Variants in ACACA observed in about 807,000 individuals in gnomAD.
ACACA encodes acetyl-CoA carboxylase 1.
A neutral mutation model predicts 296.1 loss-of-function variants in ACACA; 103 were observed. The observed-to-expected ratio is 0.35, with a 90% CI of 0.30 to 0.41. The LOEUF (loss-of-function observed/expected upper bound fraction) is 0.41, where lower values mean the gene tolerates loss of function less well. Ranked by LOEUF, ACACA falls within the 10% of genes least tolerant of loss-of-function variation. The pLI is 1.00. For missense variants in ACACA, 1,554 were observed against 2,989.7 expected, an observed-to-expected ratio of 0.52 and a Z score of 11.20; for synonymous variants, 953 against 1,038.6, an observed-to-expected ratio of 0.92 and a Z score of 1.58.
chr17:37,390,204 T>A (rs2050750931), intron 1 of ACACA, among the ~76,000 whole-genome samples: 1 of 82,528 alleles, frequency 1.2e-5, no homozygotes, highest in Non-Finnish European at 2.1e-5. Flanking sequence ...TAAATATATA[T>A]AATTATATAT....
chr17:37,399,153 A>G (rs552518125), intron 1 of ACACA, among the ~76,000 whole-genome samples: 1 of 148,250 alleles, frequency 6.7e-6, no homozygotes, highest in African/African-American at 2.5e-5. Context: ...CTAATTTTTT[A>G]TATTTTTAGT....
At chr17:37,092,858 A>T (rs1321326515) in intron 54 of ACACA, among the ~76,000 whole-genome samples, 1 of 152,246 alleles carries the variant, frequency 6.6e-6, no homozygotes, top group Non-Finnish European at 1.5e-5. Context: ...TTTTGGAAAG[A>T]CATTTTCAAT....
intron 45 of ACACA, among the ~76,000 whole-genome samples, chr17:37,138,798 T>C (rs1342553254): frequency 2.0e-5 from 3 of 152,226 alleles, no homozygotes; most frequent in Non-Finnish European, 2.9e-5. Context: ...AAATTCATGA[T>C]ACACTATTGC....
chr17:37,285,388 A>G (rs920144888), intron 3 of ACACA, among the ~76,000 whole-genome samples: 1 of 152,192 alleles, frequency 6.6e-6, no homozygotes, highest in Non-Finnish European at 1.5e-5. Flanking sequence ...AAAACTGCCT[A>G]CTAAATGTTT....
intron 35 of ACACA, among the ~76,000 whole-genome samples, chr17:37,193,847 A>T (rs2077870339): frequency 6.6e-6 from 1 of 152,220 alleles, no homozygotes; most frequent in Admixed American, 6.5e-5. Context: ...CTCAGACAGT[A>T]TAGAGTGCTC....
chr17:37,272,724 CA>C (rs1025183680), intron 9 of ACACA, among the ~76,000 whole-genome samples: 1 of 151,200 alleles, frequency 6.6e-6, no homozygotes, highest in Non-Finnish European at 1.5e-5. Context: ...GGTAGAAGGA[CA>C]AAAAAATATT....
chr17:37,220,086 A>G (rs2079214056), intron 29 of ACACA, among the ~76,000 whole-genome samples: 1 of 152,212 alleles, frequency 6.6e-6, no homozygotes, highest in Non-Finnish European at 1.5e-5. Flanking sequence ...CTTTATCTAC[A>G]GGCATGTCCA....
At chr17:37,200,714 T>C (rs2078209203) in intron 33 of ACACA, among the ~76,000 whole-genome samples, 1 of 152,202 alleles carries the variant, frequency 6.6e-6, no homozygotes, top group East Asian at 1.9e-4. Flanking sequence ...AAGAGAACTT[T>C]GTGGAGGAGA....
intron 1 of ACACA, chr17:37,388,904 A>G (rs930063563): frequency 7.2e-7 from 1 of 1,385,598 alleles, no homozygotes; most frequent in Non-Finnish European, 9.9e-7. Flanking sequence ...ATTTGAGGAG[A>G]TGTGCCACTC....
intron 1 of ACACA, among the ~76,000 whole-genome samples, chr17:37,381,982 A>G (rs1202293117): frequency 6.6e-6 from 1 of 152,120 alleles, no homozygotes; most frequent in Non-Finnish European, 1.5e-5. Context: ...GTCGTTTCCA[A>G]TCTTTTGCAA....
At chr17:37,397,710 C>T (rs1038516186) in intron 1 of ACACA, among the ~76,000 whole-genome samples, 1 of 151,986 alleles carries the variant, frequency 6.6e-6, no homozygotes, top group Non-Finnish European at 1.5e-5. Flanking sequence ...TAAAAATTTC[C>T]CTCAATCTGA....
In ACACA at chr17:37,151,377, G is replaced by A. The variant is rs1468501311; in HGVS notation, c.5492C>T (p.Pro1831Leu). 2.5e-6 allele frequency: 4 copies of A among 1,613,682 alleles called. No homozygotes were observed. Among genetic ancestry groups the A allele is most frequent in the South Asian group, 1.1e-5 (1 of 91,070 alleles). Residue 1831 changes from proline to leucine, a missense_variant, in exon 44 of 56, where the codon CCC becomes CTC. Pro to Leu is a moderately conservative substitution (Grantham distance 98). Around this residue, in one of 16 missense-constraint regions of ACACA, gnomAD observed 553 missense variants for 1,043.6 expected, o/e 0.53. Coordinates refer to ENST00000616317, the MANE Select transcript of ACACA (RefSeq NM_198834.3). ...CATTCCAGAACCTCGAAGGTTCTCG[G>A]GTCCAATTCCCTCTTCTTTCCCAAT... Reference protein sequence around the residue: ...DIIGKEEGIGPENLRGSGMIA... With the variant: ...DIIGKEEGIGLENLRGSGMIA...
chr17:37,277,838 T>G (rs2082344365), intron 6 of ACACA, 58 bp downstream of exon 6: 3 of 1,325,610 alleles, frequency 2.3e-6, no homozygotes, highest in Non-Finnish European at 3.3e-6. Context: ...GATATCCCCT[T>G]GTGCCTAACT....
At chr17:37,254,094 C>G (rs543083600) in intron 14 of ACACA, among the ~76,000 whole-genome samples, 1 of 151,278 alleles carries the variant, frequency 6.6e-6, no homozygotes, top group South Asian at 2.1e-4. Context: ...AATTATGTAC[C>G]TCATACTAAT....
chr17:37,146,728 G>GGA (rs144003287), intron 45 of ACACA, among the ~76,000 whole-genome samples: 4 of 146,832 alleles, frequency 2.7e-5, no homozygotes, highest in East Asian at 2.0e-4. Flanking sequence ...GAAGGAGGGG[G>GGA]GAGAGAGAGA....
intron 35 of ACACA, 128 bp downstream of exon 35, chr17:37,200,011 T>C: frequency 1.3e-6 from 1 of 742,906 alleles, no homozygotes; most frequent in Non-Finnish European, 2.2e-6. Flanking sequence ...GAATATTTAT[T>C]ATAATAATTT....
At chr17:37,142,020 T>G (rs1365561247) in intron 45 of ACACA, among the ~76,000 whole-genome samples, 2 of 151,830 alleles carry the variant, frequency 1.3e-5, no homozygotes, top group African/African-American at 4.8e-5. Flanking sequence ...TTGTTTTTTT[T>G]TTTTTAATCT....
intron 1 of ACACA, among the ~76,000 whole-genome samples, chr17:37,386,399 C>G (rs905012767): frequency 6.6e-6 from 1 of 152,010 alleles, no homozygotes; most frequent in Admixed American, 6.6e-5. Context: ...CAAGACCAGC[C>G]TGACCAACAC....
At chr17:37,187,774 A>C (rs905285475) in intron 39 of ACACA, among the ~76,000 whole-genome samples, 10 of 152,246 alleles carry the variant, frequency 6.6e-5, no homozygotes, top group Non-Finnish European at 1.5e-5. Flanking sequence ...AACAGAACAC[A>C]ATAGATAAAT....
Sources: gnomAD v4.1 joint callset for allele counts (sites outside exome capture counted in the v4.1 genomes callset) on GRCh38, gnomAD v4.1.1 for gene constraint, gnomAD v4.1.1 regional missense constraint, MANE v1.5 for transcripts, NCBI Gene and HGNC (gene_info 2026-07-23, HGNC 2026-07-21) for gene names.